MTMR7: variants seen among roughly 807,000 people sequenced by gnomAD.
The protein encoded by MTMR7 is phosphatidylinositol-3-phosphate phosphatase MTMR7.
MTMR7 carries 76 observed loss-of-function variants against 81.2 expected under a neutral mutation model. That is an observed-to-expected ratio of 0.94 (90% confidence interval 0.78 to 1.13). The LOEUF (loss-of-function observed/expected upper bound fraction) is 1.13, where lower values mean the gene tolerates loss of function less well. Among genes scored for constraint, MTMR7 ranks in the 50% most tolerant of loss-of-function variants. The pLI is 0.00. For missense variants in MTMR7, 1,044 were observed against 820.0 expected (o/e 1.27, Z -3.34); for synonymous variants, 372 against 289.8 (o/e 1.28, Z -2.88).
chr8:17,373,015 C>A, intron 2 of MTMR7, 103 bp downstream of exon 2: 1 of 1,422,504 alleles, frequency 7.0e-7, no homozygotes, highest in Non-Finnish European at 9.5e-7. Context: ...CATCCAGGCA[C>A]AAAAGCCCAC....
chr8:17,333,883 G>T (rs1321270353), intron 6 of MTMR7, among the ~76,000 whole-genome samples: 2 of 152,068 alleles, frequency 1.3e-5, no homozygotes, highest in Non-Finnish European at 2.9e-5. Flanking sequence ...ACAAGGGACA[G>T]GAGGGTTATC....
chr8:17,326,460 T>C (rs1818685476), intron 7 of MTMR7: 2 of 152,220 alleles, frequency 1.3e-5, no homozygotes, highest in South Asian at 2.1e-4. Flanking sequence ...ATGATCCTTG[T>C]GGTCACAAGC....
rs1430004773 is a variant in MTMR7 at position 17,355,021 on chromosome 8, CATGTTTTGCAGGCTG to C, written c.469-5955_469-5941del. 2.0e-5 allele frequency among the ~76,000 whole-genome samples: 3 copies of C among 152,132 alleles called. No individual in the cohort carries two copies. In the East Asian group the frequency reaches 5.8e-4, roughly 29 times the overall value. On this transcript the variant is annotated intron_variant, in intron 4 of 13. Transcript: ENST00000180173. ...TTCTGAAAAGAAATGCTGAGTAACT[CATGTTTTGCAGGCTG>C]TGCAACGTAGGACTTAAGTGACTAT...
rs538814671 is a variant in MTMR7 at position 17,303,513 on chromosome 8, C to G, written c.1493+866G>C. ...GTTTTTTCATATTATACAAGCCTAA[C>G]AAGGAAGCCAAAGGAAAAAACATAC... On this transcript the variant is annotated intron_variant, in intron 12 of 13. Coordinates refer to ENST00000180173, the MANE Select transcript of MTMR7 (RefSeq NM_004686.5). Among the ~76,000 whole-genome samples, 16 of 152,062 alleles carry G rather than the reference C, an allele frequency of 1.1e-4. No homozygotes were observed. The East Asian group carries it at 2.1e-3, about 20-fold the overall frequency.
rs983010370 is a variant in MTMR7, at chr8:17,356,274, G to A, written c.468+4843C>T. Among the ~76,000 whole-genome samples, 7 of 151,920 alleles carry A rather than the reference G, an allele frequency of 4.6e-5. No individual in the cohort carries two copies. The East Asian group carries it at 7.7e-4, about 17-fold the overall frequency. On this transcript the variant is annotated intron_variant, in intron 4 of 13. Transcript: ENST00000180173. ...TGGTTACAAACTAACTTAATCATAC[G>A]GATAGAGCAAAAATTATTTAGCTGG...
chr8:17,404,241 T>C (rs998747049), intron 1 of MTMR7, among the ~76,000 whole-genome samples: 3 of 152,024 alleles, frequency 2.0e-5, no homozygotes, highest in East Asian at 1.9e-4. Flanking sequence ...GGATTTACTA[T>C]TGGAATAGAT....
chr8:17,413,193 C>T, intron 1 of MTMR7, 76 bp downstream of exon 1: 1 of 1,504,604 alleles, frequency 6.6e-7, no homozygotes, highest in Non-Finnish European at 9.0e-7. Flanking sequence ...CAGTCGGCCT[C>T]CCGCGCGCTC....
At chr8:17,301,451 G>C (rs530312430) in intron 13 of MTMR7, among the ~76,000 whole-genome samples, 1 of 152,162 alleles carries the variant, frequency 6.6e-6, no homozygotes, top group Non-Finnish European at 1.5e-5. Flanking sequence ...AGGTAGGAAG[G>C]TCTAAATTGT....
Position 17,305,610 on chromosome 8 carries a change from C to A in MTMR7, c.1352+147G>T, listed in dbSNP as rs938449861. 1.9e-5 allele frequency: 12 copies of A among 639,716 alleles called. No individual in the cohort carries two copies. In the African/African-American group the frequency reaches 2.0e-4, roughly 11 times the overall value. 39.6% of individuals were successfully genotyped at this position (639,716 alleles called of 1,614,324 possible). On this transcript the variant is annotated intron_variant, in intron 11 of 13. Coordinates refer to ENST00000180173, the MANE Select transcript of MTMR7 (RefSeq NM_004686.5). ...CATTTAAACCATTTATGAAATGACA[C>A]CAGGAAAAAGAAAATAAAACTAATC...
chr8:17,299,964 C>T lies in MTMR7; in HGVS notation c.1881G>A (p.Val627=), dbSNP rs1165807576. The T allele has an allele frequency of 1.2e-6, 2 of 1,614,142 alleles. No homozygotes were observed. Among genetic ancestry groups the T allele is most frequent in the South Asian group, 1.1e-5 (1 of 91,084 alleles). ...TTGGAGACCGACAGCTCAAATCCTC[C>T]ACCCCGGACTCTTGGTCACTGTTGG... ...LSANSDQESG[V]EDLSCRSPSG... is the part of the protein sequence containing the mutation. The change falls in exon 14 of 14, where the codon GTG becomes GTA. Residue 627 remains valine, a synonymous_variant. Transcript: ENST00000180173.
At chr8:17,381,537 C>T (rs1285376758) in intron 1 of MTMR7, among the ~76,000 whole-genome samples, 1 of 152,168 alleles carries the variant, frequency 6.6e-6, no homozygotes, top group Non-Finnish European at 1.5e-5. Flanking sequence ...AGTAAAGTTG[C>T]TCCGTAGGAT....
rs1820402974 is a variant in MTMR7, at chr8:17,371,019, CG to C, written c.310+17del. On this transcript the variant is annotated intron_variant, in intron 3 of 13. Transcript: ENST00000180173. ...TTAAGAGAGGTTCCATATTAAATGC[CG>C]AGTTCCTCTGCCCTACCTGGCCTTG... The C allele has an allele frequency of 6.3e-7, 1 of 1,598,458 alleles. No individual in the cohort carries two copies. The highest frequency in any genetic ancestry group is 1.3e-5 in the African/African-American group (1 of 74,092).
At chr8:17,397,385 G>A (rs1265236330) in intron 1 of MTMR7, among the ~76,000 whole-genome samples, 2 of 152,048 alleles carry the variant, frequency 1.3e-5, no homozygotes, top group Admixed American at 6.6e-5. Context: ...TTCACCACAA[G>A]CTGACTGAAG....
intron 1 of MTMR7, among the ~76,000 whole-genome samples, chr8:17,382,250 G>A (rs1820781622): frequency 6.6e-6 from 1 of 152,198 alleles, no homozygotes; most frequent in African/African-American, 2.4e-5. Context: ...GGTCCCAAAG[G>A]ACTGTGATAA....
chr8:17,336,770 C>T (rs1819252507), intron 6 of MTMR7, among the ~76,000 whole-genome samples: 1 of 152,126 alleles, frequency 6.6e-6, no homozygotes, highest in South Asian at 2.1e-4. Context: ...GCCCTGGCTG[C>T]GTCAGAGGAG....
chr8:17,390,590 G>C (rs1447130840), intron 1 of MTMR7, among the ~76,000 whole-genome samples: 2 of 152,114 alleles, frequency 1.3e-5, no homozygotes, highest in African/African-American at 2.4e-5. Context: ...TACTGTATTA[G>C]TCCCTTCTCA....
chr8:17,396,417 A>G lies in MTMR7; in HGVS notation c.24+16852T>C, dbSNP rs77345524. On this transcript the variant is annotated intron_variant, in intron 1 of 13. Coordinates refer to ENST00000180173, the MANE Select transcript of MTMR7 (RefSeq NM_004686.5). ...CACAGATTCTTTCTCCTACGTGGAA[A>G]AAGAATCTGTGCACTTGCGGGAAGG... Among the ~76,000 whole-genome samples, 543 of 152,304 alleles carry G rather than the reference A, an allele frequency of 3.6e-3. 3 individuals carry two copies. The highest frequency in any genetic ancestry group is 0.012 in the African/African-American group (517 of 41,562).
intron 3 of MTMR7, among the ~76,000 whole-genome samples, chr8:17,370,044 G>A (rs532729021): frequency 9.2e-5 from 14 of 151,908 alleles, no homozygotes; most frequent in East Asian, 7.8e-4. Context: ...CTATAAATCC[G>A]AAGAGCCCAA....
chr8:17,331,296 C>CA lies in MTMR7; in HGVS notation c.733-15dup. ...CATTGCATTAAGCTGCAGTGGTCAG[C>CA]AAAACAGAACAGTCATCAATTACAT... On this transcript the variant is annotated splice_polypyrimidine_tract_variant and intron_variant, in intron 6 of 13. Coordinates refer to ENST00000180173, the MANE Select transcript of MTMR7 (RefSeq NM_004686.5). 1 of 1,572,090 alleles carries CA rather than the reference C, an allele frequency of 6.4e-7. No individual in the cohort carries two copies. Among genetic ancestry groups the CA allele is most frequent in the Non-Finnish European group, 8.6e-7 (1 of 1,163,322 alleles).
Sources: allele counts gnomAD v4.1 joint callset (sites outside exome capture counted in the v4.1 genomes callset), GRCh38; gene constraint gnomAD v4.1.1; transcripts MANE v1.5; gene names NCBI Gene and HGNC (gene_info 2026-07-23, HGNC 2026-07-21).